Variants in SPTBN1 observed in about 807,000 individuals in gnomAD.
SPTBN1 encodes spectrin beta, non-erythrocytic 1.
A neutral mutation model predicts 266.4 loss-of-function variants in SPTBN1; 32 were observed. The ratio of observed to expected loss-of-function variants is 0.12; its 90% CI spans 0.09 to 0.16. The LOEUF is 0.16. Ranked by LOEUF, SPTBN1 falls within the 10% of genes least tolerant of loss-of-function variation. The pLI, the probability that SPTBN1 is intolerant of heterozygous loss-of-function variation, is 1.00. For missense variants in SPTBN1, 2,296 were observed against 3,067.1 expected, an observed-to-expected ratio of 0.75 and a Z score of 5.94; for synonymous variants, 1,336 against 1,162.2, an observed-to-expected ratio of 1.15 and a Z score of -3.04.
At chr2:54,460,570 C>T (rs1318806780) in intron 1 of SPTBN1, among the ~76,000 whole-genome samples, 1 of 152,188 alleles carries the variant, frequency 6.6e-6, no homozygotes, top group African/African-American at 2.4e-5. Flanking sequence ...CTCTCTGCTC[C>T]CTCTGCTCTG....
At chr2:54,605,560 G>C (rs1676780748) in intron 3 of SPTBN1, among the ~76,000 whole-genome samples, 2 of 152,228 alleles carry the variant, frequency 1.3e-5, no homozygotes, top group African/African-American at 4.8e-5. Context: ...TTTAGATCTT[G>C]GGAACTTTGA....
intron 1 of SPTBN1, among the ~76,000 whole-genome samples, chr2:54,524,613 G>A (rs1443957276): frequency 1.3e-5 from 2 of 152,248 alleles, no homozygotes; most frequent in Middle Eastern, 3.4e-3. Context: ...CCTAGAATCT[G>A]TTTTCCACAC....
intron 2 of SPTBN1, among the ~76,000 whole-genome samples, chr2:54,592,311 T>A (rs1263725949): frequency 2.6e-5 from 4 of 152,228 alleles, no homozygotes; most frequent in Non-Finnish European, 5.9e-5. Context: ...GAGAGGATAT[T>A]CACAGCCCTT....
In SPTBN1 at chr2:54,553,623, T is replaced by C. The variant is rs536090392; in HGVS notation, c.148+27057T>C. 2.6e-5 allele frequency among the ~76,000 whole-genome samples: 4 copies of C among 152,312 alleles called. No homozygotes were observed. The East Asian group carries it at 7.7e-4, about 29-fold the overall frequency. On this transcript the variant is annotated intron_variant, in intron 2 of 35. Transcript: ENST00000356805. The stretch of plus-strand genomic sequence containing the variant: ...ATGGCAGTAGAAAGCAGCAGAGAAT[T>C]TGACAAAACACAATCCTATATGAAA...
chr2:54,643,153 C>T (rs1679689139), intron 19 of SPTBN1, 24 bp downstream of exon 19: 1 of 1,612,980 alleles, frequency 6.2e-7, no homozygotes, highest in African/African-American at 1.3e-5. Context: ...TTTGATGTGG[C>T]CATGGTGAGA....
At chr2:54,470,547 A>C (rs1693867327) in intron 1 of SPTBN1, among the ~76,000 whole-genome samples, 1 of 152,240 alleles carries the variant, frequency 6.6e-6, no homozygotes, top group Non-Finnish European at 1.5e-5. Flanking sequence ...TTTTAGCAAG[A>C]ATGGAATGTA....
At chr2:54,630,455 A>G (rs1678654646) in intron 15 of SPTBN1, among the ~76,000 whole-genome samples, 1 of 152,212 alleles carries the variant, frequency 6.6e-6, no homozygotes, top group Admixed American at 6.5e-5. Context: ...TTGAGTAAAC[A>G]TGTTTGAGTA....
intron 2 of SPTBN1, among the ~76,000 whole-genome samples, chr2:54,543,677 A>G (rs969233661): frequency 2.0e-5 from 3 of 152,184 alleles, no homozygotes; most frequent in African/African-American, 4.8e-5. Context: ...TTTGCACTCA[A>G]TGCACATTAA....
chr2:54,629,363 C>T lies in SPTBN1; in HGVS notation c.2229C>T (p.Ala743=), dbSNP rs753641990. Reference sequence around the variant, plus strand: ...TTCGGAAGAAGCGCCTGGAGGAGGCCTCCCTGCTGCACCAGTTCCAGGCAG... The same window carrying T: ...TTCGGAAGAAGCGCCTGGAGGAGGCTTCCCTGCTGCACCAGTTCCAGGCAG... ...SAIRKKRLEE[A]SLLHQFQADA... is the part of the protein sequence containing the mutation. The change falls in exon 14 of 36, where the codon GCC becomes GCT. Residue 743 remains alanine (A), a synonymous_variant. Coordinates refer to ENST00000356805, the MANE Select transcript of SPTBN1 (RefSeq NM_003128.3). 1 of 1,614,084 alleles carries T rather than the reference C, an allele frequency of 6.2e-7. No individual in the cohort carries two copies. The highest frequency in any genetic ancestry group is 1.1e-5 in the South Asian group (1 of 91,080).
At chr2:54,468,808 C>T (rs1281339554) in intron 1 of SPTBN1, among the ~76,000 whole-genome samples, 2 of 152,306 alleles carry the variant, frequency 1.3e-5, no homozygotes, top group African/African-American at 4.8e-5. Flanking sequence ...ATTAATTCCC[C>T]TGAGAGACAT....
chr2:54,659,890 T>C (rs1377431211), intron 31 of SPTBN1, 46 bp from the exon 32 acceptor site: 3 of 1,594,666 alleles, frequency 1.9e-6, no homozygotes, highest in East Asian at 2.3e-5. Context: ...TTCCTCTTTC[T>C]CCTCTTCTTC....
At chr2:54,573,693 C>T (rs1484224888) in intron 2 of SPTBN1, among the ~76,000 whole-genome samples, 1 of 152,198 alleles carries the variant, frequency 6.6e-6, no homozygotes, top group Non-Finnish European at 1.5e-5. Flanking sequence ...GAGACATGGT[C>T]ATTAGAATAA....
At position 54,533,349 on chromosome 2, in the gene SPTBN1, A is replaced by AT. The variant is rs1491300403; in HGVS notation, c.148+6783_148+6784insT. On this transcript the variant is annotated intron_variant, in intron 2 of 35. Coordinates refer to ENST00000356805, the MANE Select transcript of SPTBN1 (RefSeq NM_003128.3). This position sits in a 1 kb window ranked among gnomAD's most constrained non-coding sequence, Gnocchi z 4.2. ...AGTGAAACCCAGGCTAAAGGGGACT[A>AT]GTGTGTGTGTGTGTGTGTGTGTGTG... Among the ~76,000 whole-genome samples, 11 of 141,968 alleles carry AT rather than the reference A, an allele frequency of 7.7e-5. No individual in the cohort carries two copies. Among genetic ancestry groups the AT allele is most frequent in the African/African-American group, 2.9e-4 (11 of 37,804 alleles). 93.1% of individuals were successfully genotyped at this position (141,968 alleles called of 152,430 possible).
Position 54,558,504 on chromosome 2 carries a change from C to T in SPTBN1, c.148+31938C>T, listed in dbSNP as rs1413179448. The T allele has an allele frequency of 8.3e-7, 1 of 1,202,050 alleles. No individual in the cohort carries two copies. Among genetic ancestry groups the T allele is most frequent in the African/African-American group, 1.6e-5 (1 of 63,360 alleles). 74.5% of individuals were successfully genotyped at this position (1,202,050 alleles called of 1,614,324 possible). On this transcript the variant is annotated intron_variant, in intron 2 of 35. Coordinates refer to ENST00000356805, the MANE Select transcript of SPTBN1 (RefSeq NM_003128.3). The surrounding 1 kb of genome is among the most constrained non-coding windows in gnomAD (Gnocchi z 4.6). ...ACCTGCGCCTCCTCTCTGCTTCTCC[C>T]TCCTCCTCAGTAATTTATTTCGAGC...
chr2:54,574,397 C>T (rs536457121), intron 2 of SPTBN1, among the ~76,000 whole-genome samples: 2 of 152,290 alleles, frequency 1.3e-5, no homozygotes, highest in African/African-American at 4.8e-5. Flanking sequence ...TTAGGTGTGG[C>T]AGGATCTGGA....
At chr2:54,491,591 T>C (rs907144335) in intron 1 of SPTBN1, among the ~76,000 whole-genome samples, 2 of 152,316 alleles carry the variant, frequency 1.3e-5, no homozygotes, top group African/African-American at 4.8e-5. Context: ...AATTTACTTC[T>C]AATTTCTCTC....
At chr2:54,474,617 C>T (rs1667724091) in intron 1 of SPTBN1, among the ~76,000 whole-genome samples, 1 of 152,016 alleles carries the variant, frequency 6.6e-6, no homozygotes, top group South Asian at 2.1e-4. Context: ...TTATGGAATA[C>T]CTTCTAATAA....
At chr2:54,578,099 A>G (rs1220703638) in intron 2 of SPTBN1, among the ~76,000 whole-genome samples, 1 of 152,158 alleles carries the variant, frequency 6.6e-6, no homozygotes, top group Non-Finnish European at 1.5e-5. Flanking sequence ...CTTGATCTGT[A>G]TTTTCCCAGT....
intron 2 of SPTBN1, among the ~76,000 whole-genome samples, chr2:54,584,583 C>T (rs1675159380): frequency 6.6e-6 from 1 of 152,088 alleles, no homozygotes; most frequent in Non-Finnish European, 1.5e-5. Flanking sequence ...CCCCTACTTC[C>T]ACCTAGTCCT....
Sources: allele counts gnomAD v4.1 joint callset (sites outside exome capture counted in the v4.1 genomes callset), GRCh38; gene constraint gnomAD v4.1.1; non-coding constraint Gnocchi (gnomAD v3.1); transcripts MANE v1.5; gene names NCBI Gene and HGNC (gene_info 2026-07-23, HGNC 2026-07-21).